NAP1L1: variants seen among roughly 807,000 people sequenced by gnomAD.
NAP1L1 encodes the protein nucleosome assembly protein 1 like 1.
NAP1L1 carries 9 observed loss-of-function variants against 58.9 expected under a neutral mutation model. The ratio of observed to expected loss-of-function variants is 0.15; its 90% confidence interval spans 0.09 to 0.27. The LOEUF is 0.27. Among genes scored for constraint, NAP1L1 ranks in the 10% least tolerant of loss-of-function variants. The probability of loss-of-function intolerance (pLI) is 1.00; values close to 1 mark genes in which losing one functional copy is unlikely to be tolerated. For synonymous variants in NAP1L1, 130 were observed against 138.3 expected (o/e 0.94, Z 0.42); for missense variants, 302 against 458.8 (o/e 0.66, Z 3.12).
chr12:76,058,923 T>A (rs1949273266), intron 6 of NAP1L1, among the ~76,000 whole-genome samples: 1 of 152,198 alleles, frequency 6.6e-6, no homozygotes, highest in African/African-American at 2.4e-5. Flanking sequence ...ATGGGCACAA[T>A]AACATACTGT....
chr12:76,073,944 TATC>T lies in NAP1L1; in HGVS notation c.17+256_17+258del, dbSNP rs1160574836. 1.1e-4 allele frequency: 40 copies of T among 366,724 alleles called. No homozygotes were observed. In the East Asian group the frequency reaches 1.3e-3, roughly 12 times the overall value. The allele number at this position is 366,724 out of a possible 1,614,324, so 22.7% of individuals were successfully genotyped here. A position where few individuals can be genotyped will look rare whatever the true frequency, so the allele number is the denominator to read the frequency against. Reference sequence around the variant, plus strand: ...AATTCTGCAAGTATTTATAATCCATTATCATGCTCAGCATTTTCTTAAAAATAG... The same window carrying T: ...AATTCTGCAAGTATTTATAATCCATTATGCTCAGCATTTTCTTAAAAATAG... On this transcript the variant is annotated intron_variant, in intron 2 of 14. Transcript: ENST00000618691.
intron 2 of NAP1L1, chr12:76,073,925 G>C (rs1420834880): frequency 3.1e-6 from 1 of 319,944 alleles, no homozygotes; most frequent in Non-Finnish European, 5.7e-6. Flanking sequence ...AATGAATTCT[G>C]CAAGTATTTA....
intron 4 of NAP1L1, among the ~76,000 whole-genome samples, chr12:76,062,550 T>G (rs1211856503): frequency 6.6e-6 from 1 of 152,168 alleles, no homozygotes; most frequent in Non-Finnish European, 1.5e-5. Context: ...TGAGGAAGAT[T>G]GACATGCAAC....
Position 76,042,862 on chromosome 12 carries a change from C to A in NAP1L1, c.*5567G>T, listed in dbSNP as rs1948562759. 1 of 152,162 alleles carries A rather than the reference C, an allele frequency of 6.6e-6. No homozygotes were observed. Among genetic ancestry groups the A allele is most frequent in the East Asian group, 1.9e-4 (1 of 5,196 alleles). The allele number at this position is 152,162 out of a possible 1,614,324, so 9.4% of individuals were successfully genotyped here. A position where few individuals can be genotyped will look rare whatever the true frequency, so the allele number is the denominator to read the frequency against. On this transcript the variant is annotated 3_prime_UTR_variant, in exon 15 of 15. Coordinates refer to ENST00000618691, the MANE Select transcript of NAP1L1 (RefSeq NM_004537.7). ...AGAAAACGCCTGTAAGACTAGAAAA[C>A]TTTTTGAGCCAAAAAGTATGTTGAT... is the stretch of plus-strand genomic sequence containing the variant.
At chr12:76,056,501 T>C (rs972156278) in intron 6 of NAP1L1, 1 of 401,492 alleles carries the variant, frequency 2.5e-6, no homozygotes, top group African/African-American at 2.1e-5. Flanking sequence ...CCCATGGTGT[T>C]CTTAATCAAA....
intron 4 of NAP1L1, among the ~76,000 whole-genome samples, chr12:76,061,362 T>C (rs1257906223): frequency 6.6e-6 from 1 of 152,192 alleles, no homozygotes; most frequent in Non-Finnish European, 1.5e-5. Context: ...CTCCTACTGG[T>C]AAGTAAGAAT....
chr12:76,061,104 T>C (rs558241747), intron 4 of NAP1L1: 1 of 401,240 alleles, frequency 2.5e-6, no homozygotes, highest in Admixed American at 3.0e-5. Context: ...CAAAAATAAA[T>C]AACAGCTTTG....
intron 13 of NAP1L1, 69 bp downstream of exon 13, chr12:76,049,687 A>C (rs55789901): frequency 6.3e-7 from 1 of 1,579,484 alleles, no homozygotes; most frequent in East Asian, 2.2e-5. Flanking sequence ...AAAGGAATAC[A>C]TAAGTCATTC....
intron 4 of NAP1L1, among the ~76,000 whole-genome samples, chr12:76,061,782 TAAAAAAC>T (rs1207786090): frequency 6.6e-6 from 1 of 152,184 alleles, no homozygotes; most frequent in Non-Finnish European, 1.5e-5. Flanking sequence ...TTATTAGAAA[TAAAAAAC>T]AAACACTTGA....
chr12:76,062,778 G>A (rs1045150843), intron 4 of NAP1L1, among the ~76,000 whole-genome samples: 4 of 152,138 alleles, frequency 2.6e-5, no homozygotes, highest in African/African-American at 2.4e-5. Flanking sequence ...GAAGGGGTAC[G>A]ATCTCTTCAC....
intron 13 of NAP1L1, 67 bp from the exon 14 acceptor site, chr12:76,049,317 G>A (rs1948715437): frequency 1.9e-6 from 3 of 1,609,440 alleles, no homozygotes; most frequent in African/African-American, 1.3e-5. Context: ...CATAATGTAG[G>A]GAAAATTTAA....
At position 76,040,234 on chromosome 12, in the gene NAP1L1, T is replaced by A. The variant is rs1948540159; in HGVS notation, c.*8195A>T. 1 of 152,142 alleles carries A rather than the reference T, an allele frequency of 6.6e-6. No individual in the cohort carries two copies. Among genetic ancestry groups the A allele is most frequent in the Non-Finnish European group, 1.5e-5 (1 of 68,020 alleles). 9.4% of individuals were successfully genotyped at this position (152,142 alleles called of 1,614,324 possible). A position where few individuals can be genotyped will look rare whatever the true frequency, so the allele number is the denominator to read the frequency against. ...AACAAACTAAGCCCAGTCAGAAAAATTTTGCTTGTTTTAAGCCATTAAGTT... is the reference window on the plus strand; with the variant it reads ...AACAAACTAAGCCCAGTCAGAAAAAATTTGCTTGTTTTAAGCCATTAAGTT... On this transcript the variant is annotated 3_prime_UTR_variant, in exon 15 of 15. Coordinates refer to ENST00000618691, the MANE Select transcript of NAP1L1 (RefSeq NM_004537.7).
chr12:76,058,351 G>C (rs866096638), intron 6 of NAP1L1, among the ~76,000 whole-genome samples: 15 of 150,422 alleles, frequency 1.0e-4, no homozygotes, highest in Middle Eastern at 3.2e-3. Context: ...TACATGAACA[G>C]AATTTAGTCA....
rs1157790319 is a variant in NAP1L1, at chr12:76,046,440, A to G, written c.*1989T>C. 1 of 152,458 alleles carries G rather than the reference A, an allele frequency of 6.6e-6. No individual in the cohort carries two copies. Among genetic ancestry groups the G allele is most frequent in the African/African-American group, 2.4e-5 (1 of 41,536 alleles). The allele number at this position is 152,458 out of a possible 1,614,324, so 9.4% of individuals were successfully genotyped here. A position where few individuals can be genotyped will look rare whatever the true frequency, so the allele number is the denominator to read the frequency against. ...GCTACTTCAGTTCATTAAAAATGGG[A>G]TTCTATCTTTGAAGTTCAGAAAAAG... On this transcript the variant is annotated 3_prime_UTR_variant, in exon 15 of 15. Transcript: ENST00000618691.
At chr12:76,080,839 G>T (rs936213585) in intron 1 of NAP1L1, among the ~76,000 whole-genome samples, 1 of 152,126 alleles carries the variant, frequency 6.6e-6, no homozygotes, top group Non-Finnish European at 1.5e-5. Flanking sequence ...GATCATGAGG[G>T]CTCCACCCTC....
chr12:76,062,780 T>C (rs1449021296), intron 4 of NAP1L1, among the ~76,000 whole-genome samples: 1 of 152,170 alleles, frequency 6.6e-6, no homozygotes, highest in Non-Finnish European at 1.5e-5. Context: ...AGGGGTACGA[T>C]CTCTTCACAT....
At chr12:76,077,810 C>A (rs1365253081) in intron 1 of NAP1L1, among the ~76,000 whole-genome samples, 1 of 151,378 alleles carries the variant, frequency 6.6e-6, no homozygotes, top group Non-Finnish European at 1.5e-5. Flanking sequence ...ATGGTGAAAC[C>A]CAGTCTCTAC....
At chr12:76,059,069 T>C (rs1247327881) in intron 6 of NAP1L1, among the ~76,000 whole-genome samples, 2 of 152,224 alleles carry the variant, frequency 1.3e-5, no homozygotes, top group Non-Finnish European at 2.9e-5. Flanking sequence ...ACAATAAGCC[T>C]TGCAATAAAA....
chr12:76,058,626 T>C (rs891887278), intron 6 of NAP1L1, among the ~76,000 whole-genome samples: 3 of 152,132 alleles, frequency 2.0e-5, no homozygotes, highest in African/African-American at 7.2e-5. Flanking sequence ...GACCTAGTGA[T>C]TGGCCCACCT....
Sources: allele counts gnomAD v4.1 joint callset (sites outside exome capture counted in the v4.1 genomes callset), GRCh38; gene constraint gnomAD v4.1.1; transcripts MANE v1.5; gene names NCBI Gene and HGNC (gene_info 2026-07-23, HGNC 2026-07-21).